PGAP4: variants seen among roughly 807,000 people sequenced by gnomAD.
The protein encoded by PGAP4 is GPI-N-acetylgalactosamine transferase PGAP4.
A neutral mutation model predicts 28.2 loss-of-function variants in PGAP4; 12 were observed. The observed-to-expected ratio is 0.42, with a 90% CI of 0.27 to 0.69. The LOEUF (loss-of-function observed/expected upper bound fraction) is 0.69, where lower values mean the gene tolerates loss of function less well. Ranked by LOEUF, PGAP4 falls within the 30% of genes least tolerant of loss-of-function variation. PGAP4 has a pLI of 0.22. For synonymous variants in PGAP4, 205 were observed against 211.8 expected, an observed-to-expected ratio of 0.97 and a Z score of 0.28; for missense variants, 425 against 513.5, an observed-to-expected ratio of 0.83 and a Z score of 1.67.
rs190818454 is a variant in PGAP4, at chr9:101,497,361, G to T, written c.-164-8161C>A. Among the ~76,000 whole-genome samples, 646 of 151,586 alleles carry T rather than the reference G, an allele frequency of 4.3e-3. 2 individuals are homozygous for T. Among genetic ancestry groups the T allele is most frequent in the Non-Finnish European group, 6.3e-3 (426 of 67,628 alleles). On this transcript the variant is annotated intron_variant, in intron 2 of 3. Transcript: ENST00000374851. ...AATTTTTATGACGTGTAAACATTAG[G>T]TATTCACCTAAGTGAGAACCTTAAA...
chr9:101,510,548 A>T (rs1826888169), intron 2 of PGAP4, among the ~76,000 whole-genome samples: 1 of 152,094 alleles, frequency 6.6e-6, no homozygotes, highest in Non-Finnish European at 1.5e-5. Flanking sequence ...GTTGCAATAG[A>T]CCTGTAATTT....
At position 101,476,946 on chromosome 9, in the gene PGAP4, A is replaced by G. The variant is rs1256092955; in HGVS notation, c.147T>C (p.Ser49=). Residue 49 remains serine, a synonymous_variant, in exon 2 of 2, where the codon TCT becomes TCC. Transcript: ENST00000374848. The surrounding 1 kb of genome is among the most constrained non-coding windows in gnomAD (Gnocchi z 7.0). ...APLACHRLLH[S]YFYLRHWHLN... is the part of the protein sequence containing the mutation. ...GATGCCAATGGCGCAGATAGAAGTA[A>G]GAGTGTAGAAGTCGGTGACAGGCCA... is the stretch of plus-strand genomic sequence containing the variant. 1.2e-6 allele frequency: 2 copies of G among 1,614,188 alleles called. No homozygotes were observed. The highest frequency in any genetic ancestry group is 3.3e-5 in the Admixed American group (2 of 60,024).
chr9:101,487,278 G>C (rs1231785246), upstream of PGAP4: 1 of 152,290 alleles, frequency 6.6e-6, no homozygotes, highest in African/African-American at 2.4e-5. Flanking sequence ...CAAACAGGAA[G>C]CCTGTTTCTT....
At chr9:101,532,777 G>A (rs1267962509) in exon 1 of PGAP4, 2 of 152,136 alleles carry the variant, frequency 1.3e-5, no homozygotes, top group Admixed American at 6.5e-5. Flanking sequence ...CAGGCACCAG[G>A]AACACTTGTT....
At position 101,476,111 on chromosome 9, in the gene PGAP4, G is replaced by A. The variant is rs749066313; in HGVS notation, c.982C>T (p.Pro328Ser). Residue 328 changes from proline to serine, a missense_variant, in exon 2 of 2, where the codon CCT becomes TCT. Physicochemically the swap from Pro to Ser is moderately conservative, Grantham distance 74 (BLOSUM62 -1). Transcript: ENST00000374848. The surrounding 1 kb of genome is among the most constrained non-coding windows in gnomAD (Gnocchi z 7.0). The part of the protein sequence containing the change: ...RLSPSLYSVV[P>S]ASQCCTPAML... Reference sequence around the variant, plus strand: ...GCTGGGGTGCAACACTGAGAGGCAGGAACCACACTGTACAGGGAAGGACTC... The same window carrying A: ...GCTGGGGTGCAACACTGAGAGGCAGAAACCACACTGTACAGGGAAGGACTC... 1.2e-6 allele frequency: 2 copies of A among 1,613,978 alleles called. No individual in the cohort carries two copies. The highest frequency in any genetic ancestry group is 1.7e-6 in the Non-Finnish European group (2 of 1,179,982).
chr9:101,490,362 G>GT (rs888638922), upstream of PGAP4, among the ~76,000 whole-genome samples: 6 of 151,636 alleles, frequency 4.0e-5, no homozygotes, highest in Non-Finnish European at 8.8e-5. Flanking sequence ...GCTAATTTTT[G>GT]TATTTTTAGT....
At chr9:101,512,612 A>T (rs1258537674) in intron 2 of PGAP4, among the ~76,000 whole-genome samples, 1 of 152,162 alleles carries the variant, frequency 6.6e-6, no homozygotes. Flanking sequence ...ACATGAAGAG[A>T]TTAATCATGA....
Position 101,474,128 on chromosome 9 carries a change from A to G in PGAP4, c.*1753T>C, listed in dbSNP as rs1475968033. On this transcript the variant is annotated 3_prime_UTR_variant, in exon 2 of 2. Transcript: ENST00000374848. ...ATAAAATTAATGTGGTTAAGAAAAA[A>G]GTGCAGGGGCTTGAAGTCAGAAGAG... 1.3e-5 allele frequency: 2 copies of G among 152,214 alleles called. No homozygotes were observed. The highest frequency in any genetic ancestry group is 4.8e-5 in the African/African-American group (2 of 41,454). The allele number at this position is 152,214 out of a possible 1,614,324, so 9.4% of individuals were successfully genotyped here.
At chr9:101,499,176 A>C (rs747112208) in intron 2 of PGAP4, among the ~76,000 whole-genome samples, 4 of 152,074 alleles carry the variant, frequency 2.6e-5, no homozygotes, top group African/African-American at 9.7e-5. Context: ...TTCTTATTAA[A>C]GTGGCCTTAT....
At chr9:101,481,202 A>C (rs1333200613) in intron 1 of PGAP4, among the ~76,000 whole-genome samples, 1 of 152,200 alleles carries the variant, frequency 6.6e-6, no homozygotes, top group Non-Finnish European at 1.5e-5. Flanking sequence ...AAACACACAA[A>C]CAAAAAAAGA....
At chr9:101,511,304 G>GTTA (rs972221653) in intron 2 of PGAP4, among the ~76,000 whole-genome samples, 2 of 152,114 alleles carry the variant, frequency 1.3e-5, no homozygotes, top group Non-Finnish European at 2.9e-5. Context: ...CCAAGGACCT[G>GTTA]TTACCAGTCC....
chr9:101,485,028 A>G (rs1435563323), intron 1 of PGAP4, among the ~76,000 whole-genome samples: 1 of 152,218 alleles, frequency 6.6e-6, no homozygotes, highest in Non-Finnish European at 1.5e-5. Flanking sequence ...GACACTGGGA[A>G]GGTGAACATG....
At chr9:101,492,929 T>G (rs60113944) in intron 2 of PGAP4, among the ~76,000 whole-genome samples, 11,619 of 152,176 alleles carry the variant, frequency 0.076, 545 homozygotes, top group Non-Finnish European at 0.096. Flanking sequence ...TGCTTTCTGC[T>G]GCCTGAGCTG....
At chr9:101,498,513 T>A (rs903862251) in intron 2 of PGAP4, among the ~76,000 whole-genome samples, 4 of 151,358 alleles carry the variant, frequency 2.6e-5, no homozygotes, top group Admixed American at 1.3e-4. Flanking sequence ...TTTTTTTTTT[T>A]AATCTTGGCT....
At chr9:101,525,720 A>AAG (rs1209402827) in intron 2 of PGAP4, among the ~76,000 whole-genome samples, 90 of 148,650 alleles carry the variant, frequency 6.1e-4, no homozygotes, top group African/African-American at 1.9e-3. Context: ...AAAAAAAAAA[A>AAG]AGAGAGAGAG....
At chr9:101,487,648 A>G (rs1826645764), upstream of PGAP4, among the ~76,000 whole-genome samples, 2 of 152,306 alleles carry the variant, frequency 1.3e-5, no homozygotes, top group Non-Finnish European at 1.5e-5. Flanking sequence ...TCAGCACACA[A>G]TTGTACGGCC....
At chr9:101,478,290 T>A (rs528485984) in intron 1 of PGAP4, among the ~76,000 whole-genome samples, 1 of 152,096 alleles carries the variant, frequency 6.6e-6, no homozygotes, top group South Asian at 2.1e-4. Context: ...AAAAACAGAA[T>A]GAAAAGGGCA....
At chr9:101,518,347 C>T (rs148026106) in intron 2 of PGAP4, among the ~76,000 whole-genome samples, 2,333 of 152,140 alleles carry the variant, frequency 0.015, 61 homozygotes, top group Admixed American at 0.064. Context: ...AGTTCTTTAG[C>T]GGTGACTTGT....
intron 1 of PGAP4, among the ~76,000 whole-genome samples, chr9:101,483,171 C>T (rs1826533504): frequency 6.6e-6 from 1 of 152,140 alleles, no homozygotes. Flanking sequence ...ACAGACCCAG[C>T]ACAGAACTAT....
Sources: gnomAD v4.1 joint callset for allele counts (sites outside exome capture counted in the v4.1 genomes callset) on GRCh38, gnomAD v4.1.1 for gene constraint, Gnocchi (gnomAD v3.1) non-coding constraint, MANE v1.5 for transcripts, NCBI Gene and HGNC (gene_info 2026-07-23, HGNC 2026-07-21) for gene names.